The following RAB27B variants were observed in gnomAD, a reference collection of about 807,000 sequenced individuals.
RAB27B encodes the protein RAB27B, member RAS oncogene family, also known as ras-related protein Rab-27B.
In RAB27B, 15 loss-of-function variants were observed where a neutral mutation model predicts 24.6. That is an observed-to-expected ratio of 0.61 (90% CI 0.41 to 0.94). RAB27B has a LOEUF of 0.94. RAB27B is among the 40% of genes least tolerant of loss of function. The pLI is 0.00. For synonymous variants in RAB27B, 105 were observed against 92.5 expected (o/e 1.14, Z -0.78); for missense variants, 261 against 266.8 (o/e 0.98, Z 0.15).
chr18:54,767,106 G>A (rs9946166), intron 2 of RAB27B, among the ~76,000 whole-genome samples: 152,152 of 152,300 alleles, frequency 1, 76,002 homozygotes, highest in Middle Eastern at 1. Context: ...TCAATTACAG[G>A]TTTTACCACG....
chr18:54,743,558 A>C (rs1738483464), intron 2 of RAB27B, among the ~76,000 whole-genome samples: 1 of 152,214 alleles, frequency 6.6e-6, no homozygotes, highest in Non-Finnish European at 1.5e-5. Flanking sequence ...TGAGCCATTC[A>C]GACAATAAAT....
intron 2 of RAB27B, among the ~76,000 whole-genome samples, chr18:54,741,772 G>A (rs974585931): frequency 6.6e-6 from 1 of 152,168 alleles, no homozygotes; most frequent in African/African-American, 2.4e-5. Flanking sequence ...AAAGTGCTGA[G>A]ATTACAGGGG....
At chr18:54,780,802 A>T (rs769226103) in intron 2 of RAB27B, among the ~76,000 whole-genome samples, 3 of 152,204 alleles carry the variant, frequency 2.0e-5, no homozygotes, top group Non-Finnish European at 4.4e-5. Flanking sequence ...ATCTGTTTCA[A>T]CAAATTCTCC....
At chr18:54,832,893 C>G (rs1258196627) in intron 1 of RAB27B, among the ~76,000 whole-genome samples, 1 of 151,984 alleles carries the variant, frequency 6.6e-6, no homozygotes, top group African/African-American at 2.4e-5. Flanking sequence ...TTCAGAAAAA[C>G]TATAAAAAAT....
rs550298281 is a variant in RAB27B at position 54,730,542 on chromosome 18, C to T, written c.-20+12401C>T. Among the ~76,000 whole-genome samples the T allele has an allele frequency of 2.0e-5, 3 of 151,924 alleles. No homozygotes were observed. The South Asian group carries it at 6.3e-4, about 32-fold the overall frequency. On this transcript the variant is annotated intron_variant, in intron 2 of 4. Transcript: ENST00000586570. ...TCCAAATCTCATGTTGAAATGTGAC[C>T]TCCAGTGTTGGAGGTGGGGCCCGGT...
At chr18:54,850,357 T>TATATATATATATATATATATATATATAC (rs1264669719) in intron 1 of RAB27B, among the ~76,000 whole-genome samples, 11 of 130,570 alleles carry the variant, frequency 8.4e-5, no homozygotes, top group Middle Eastern at 3.8e-3. Flanking sequence ...TATATATATA[T>TATATATATATATATATATATATATATAC]ATACATACAT....
intron 1 of RAB27B, among the ~76,000 whole-genome samples, chr18:54,844,304 TAC>T (rs1568092580): frequency 6.6e-6 from 1 of 152,098 alleles, no homozygotes; most frequent in Non-Finnish European, 1.5e-5. Flanking sequence ...GCAATCCCAG[TAC>T]AGACAGAAAA....
At chr18:54,869,024 A>C (rs1912362073) in intron 1 of RAB27B, among the ~76,000 whole-genome samples, 1 of 152,202 alleles carries the variant, frequency 6.6e-6, no homozygotes, top group African/African-American at 2.4e-5. Context: ...TGAAGACAAA[A>C]GCCTAAATTG....
chr18:54,881,910 A>G (rs1186466848), intron 3 of RAB27B, among the ~76,000 whole-genome samples: 2 of 152,146 alleles, frequency 1.3e-5, no homozygotes, highest in African/African-American at 4.8e-5. Context: ...AATAACACAC[A>G]GTTTTGTTCT....
chr18:54,834,909 GA>G (rs908224781), intron 1 of RAB27B, among the ~76,000 whole-genome samples: 8 of 148,942 alleles, frequency 5.4e-5, no homozygotes, highest in South Asian at 2.1e-4. Context: ...AACTTGCTCA[GA>G]AAAAAAAATG....
At chr18:54,717,883 C>G (rs1465669744) in exon 1 of RAB27B, 1 of 152,200 alleles carries the variant, frequency 6.6e-6, no homozygotes, top group African/African-American at 2.4e-5. Flanking sequence ...AGGAAGAGAG[C>G]AGGCAGCATC....
At chr18:54,809,272 G>A (rs928806017) in intron 2 of RAB27B, among the ~76,000 whole-genome samples, 3 of 152,154 alleles carry the variant, frequency 2.0e-5, no homozygotes, top group African/African-American at 7.2e-5. Context: ...TCAAGCATGG[G>A]TATTAAGAGT....
At position 54,838,172 on chromosome 18, in the gene RAB27B, A is replaced by C. The variant is rs7243986; in HGVS notation, c.-20+9472A>C. ...GATAACACTTTTATCCTCAAGATCT[A>C]CTTACCAAAGCATAACAAAATGTAT... On this transcript the variant is annotated intron_variant, in intron 1 of 5. Coordinates refer to ENST00000262094, the MANE Select transcript of RAB27B (RefSeq NM_004163.4). Among the ~76,000 whole-genome samples, 322 of 152,302 alleles carry C rather than the reference A, an allele frequency of 2.1e-3. 1 individual carries two copies. Among genetic ancestry groups the C allele is most frequent in the African/African-American group, 7.4e-3 (307 of 41,570 alleles).
chr18:54,721,824 G>T (rs573301744), intron 2 of RAB27B, among the ~76,000 whole-genome samples: 61 of 152,296 alleles, frequency 4.0e-4, no homozygotes, highest in Admixed American at 7.2e-4. Context: ...TTCAGTTAGG[G>T]TTGTTTGGAA....
At chr18:54,738,727 T>C (rs1389436138) in intron 2 of RAB27B, among the ~76,000 whole-genome samples, 1 of 152,128 alleles carries the variant, frequency 6.6e-6, no homozygotes, top group East Asian at 1.9e-4. Flanking sequence ...CATAACCACA[T>C]TCATCTGTTT....
intron 2 of RAB27B, among the ~76,000 whole-genome samples, chr18:54,781,893 A>C (rs1908929095): frequency 6.6e-6 from 1 of 152,244 alleles, no homozygotes; most frequent in African/African-American, 2.4e-5. Context: ...CAAAAATTAA[A>C]TGTTAGATAC....
At chr18:54,808,352 C>A (rs1449134104) in intron 2 of RAB27B, among the ~76,000 whole-genome samples, 1 of 152,134 alleles carries the variant, frequency 6.6e-6, no homozygotes, top group Non-Finnish European at 1.5e-5. Flanking sequence ...TCACTGAGGC[C>A]CACTGTGCAC....
upstream of RAB27B, among the ~76,000 whole-genome samples, chr18:54,823,801 T>C (rs1157818119): frequency 6.6e-6 from 1 of 152,208 alleles, no homozygotes; most frequent in Non-Finnish European, 1.5e-5. Flanking sequence ...AGAACAAATA[T>C]CTTTTGTTTC....
chr18:54,763,403 A>G (rs1323581596), intron 2 of RAB27B, among the ~76,000 whole-genome samples: 1 of 152,286 alleles, frequency 6.6e-6, no homozygotes, highest in Middle Eastern at 3.4e-3. Context: ...TATAGAGCCC[A>G]GGGAGGGAGA....
Sources: allele counts gnomAD v4.1 joint callset (sites outside exome capture counted in the v4.1 genomes callset), GRCh38; gene constraint gnomAD v4.1.1; transcripts MANE v1.5; gene names NCBI Gene and HGNC (gene_info 2026-07-23, HGNC 2026-07-21).